CLUH: variants seen among roughly 807,000 people sequenced by gnomAD.
CLUH encodes CLUH binding protein of NUMT mRNA.
A neutral mutation model predicts 139.3 loss-of-function variants in CLUH; 77 were observed. The ratio of observed to expected loss-of-function variants is 0.55; its 90% CI spans 0.46 to 0.67. The LOEUF (loss-of-function observed/expected upper bound fraction) is 0.67. Ranked by LOEUF, CLUH falls within the 30% of genes least tolerant of loss-of-function variation. The pLI, the probability that CLUH is intolerant of heterozygous loss-of-function variation, is 0.00. For missense variants in CLUH, 1,876 were observed against 1,875.8 expected, an observed-to-expected ratio of 1.00 and a Z score of 0.00; for synonymous variants, 999 against 801.6, an observed-to-expected ratio of 1.25 and a Z score of -4.16.
intron 12 of CLUH, 80 bp downstream of exon 12, chr17:2,696,354 C>T: frequency 2.6e-6 from 4 of 1,511,948 alleles, no homozygotes; most frequent in Non-Finnish European, 3.6e-6. Context: ...GGGACAAACC[C>T]ACCAGCCCCA....
rs57694483 is a variant in CLUH, at chr17:2,706,923, C to G, written c.101-2359G>C. ...GGAATGGGAGGACAGAAAGGAGGGACGACAAGGCAAGGTGGCCGCGGCTCC... is the reference window on the plus strand; with the variant it reads ...GGAATGGGAGGACAGAAAGGAGGGAGGACAAGGCAAGGTGGCCGCGGCTCC... On this transcript the variant is annotated intron_variant, in intron 1 of 25. Coordinates refer to ENST00000651024, the MANE Select transcript of CLUH (RefSeq NM_001366661.1). This position sits in a 1 kb window ranked among gnomAD's most constrained non-coding sequence, Gnocchi z 4.6. Among the ~76,000 whole-genome samples the G allele has an allele frequency of 0.57, 86,028 of 152,080 alleles. 24,742 individuals carry two copies. The highest frequency in any genetic ancestry group is 0.63 in the Admixed American group (9,619 of 15,288).
At chr17:2,692,210 G>C (rs961904617) in intron 22 of CLUH, 113 bp from the exon 23 acceptor site, 11 of 1,441,924 alleles carry the variant, frequency 7.6e-6, no homozygotes, top group African/African-American at 1.4e-5. Context: ...CCACCGAGGG[G>C]AACAGCAAGT....
At position 2,708,867 on chromosome 17, in the gene CLUH, G is replaced by T. The variant is rs572428998; in HGVS notation, c.100+2695C>A. Among the ~76,000 whole-genome samples, 13 of 87,028 alleles carry T rather than the reference G, an allele frequency of 1.5e-4. No individual in the cohort carries two copies. The East Asian group carries it at 4.1e-3, about 27-fold the overall frequency. 57.1% of individuals were successfully genotyped at this position (87,028 alleles called of 152,430 possible). ...CAGGCCTCAGCCTCTACTCGGGGGGGGGGGAGCAGAACTATCCCAGTCACA... is the reference window on the plus strand; with the variant it reads ...CAGGCCTCAGCCTCTACTCGGGGGGTGGGGAGCAGAACTATCCCAGTCACA... On this transcript the variant is annotated intron_variant, in intron 1 of 25. Transcript: ENST00000651024.
rs949740088 is a variant in CLUH, at chr17:2,707,690, C to T, written c.101-3126G>A. The stretch of plus-strand genomic sequence containing the variant: ...CCATCCCAGTGGGGGTGAACAGGAC[C>T]GCTTCTGCCAGCTGCCGCCAACAGC... On this transcript the variant is annotated intron_variant, in intron 1 of 25. Transcript: ENST00000651024. The surrounding 1 kb of genome is among the most constrained non-coding windows in gnomAD (Gnocchi z 7.4). 2.0e-5 allele frequency: 20 copies of T among 985,278 alleles called. No individual in the cohort carries two copies. The highest frequency in any genetic ancestry group is 1.2e-4 in the African/African-American group (7 of 57,226). The allele number at this position is 985,278 out of a possible 1,614,324, so 61.0% of individuals were successfully genotyped here.
chr17:2,691,919 AG>A (rs779111286), intron 23 of CLUH, 24 bp from the exon 24 acceptor site: 5 of 1,377,360 alleles, frequency 3.6e-6, no homozygotes, highest in East Asian at 2.8e-5. Context: ...GGAAGGGATC[AG>A]GCCCCCCCGT....
rs1167828816 is a variant in CLUH at position 2,707,135 on chromosome 17, G to C, written c.101-2571C>G. On this transcript the variant is annotated intron_variant, in intron 1 of 25. Coordinates refer to ENST00000651024, the MANE Select transcript of CLUH (RefSeq NM_001366661.1). The surrounding 1 kb of genome is among the most constrained non-coding windows in gnomAD (Gnocchi z 7.4). ...GGATGAAGGCTGAGCGATCTCCCCCGCAGGCAGCTGGCTGGCTCACCAGGT... is the reference window on the plus strand; with the variant it reads ...GGATGAAGGCTGAGCGATCTCCCCCCCAGGCAGCTGGCTGGCTCACCAGGT... The C allele has an allele frequency of 3.1e-6, 3 of 975,280 alleles. No homozygotes were observed. The highest frequency in any genetic ancestry group is 9.5e-5 in the South Asian group (2 of 21,078). 60.4% of individuals were successfully genotyped at this position (975,280 alleles called of 1,614,324 possible).
In CLUH at chr17:2,695,059, G is replaced by C; in HGVS notation, c.2650C>G (p.Leu884Val). The C allele has an allele frequency of 4.3e-6, 7 of 1,613,282 alleles. No homozygotes were observed. The highest frequency in any genetic ancestry group is 5.9e-6 in the Non-Finnish European group (7 of 1,179,654). The change falls in exon 16 of 26, where the codon CTG (leucine) becomes GTG (valine). Residue 884 changes from leucine to valine, a missense_variant. Leu to Val is a conservative substitution (Grantham distance 32). Around this residue, in one of 3 missense-constraint regions of CLUH, gnomAD observed 1,454 missense variants for 1,384.4 expected, o/e 1.05. Coordinates refer to ENST00000651024, the MANE Select transcript of CLUH (RefSeq NM_001366661.1). ...GGGTAGGAGCTCAGGAAGCAGTTCA[G>C]GAAGTGGCTGATGGCGGCTGAGAGG... ...SGLSAAISHFLNCFLSSYPNP... is the reference protein window; with the variant it reads ...SGLSAAISHFVNCFLSSYPNP...
At chr17:2,696,992 A>C in intron 10 of CLUH, 50 bp from the exon 11 acceptor site, 1 of 1,412,530 alleles carries the variant, frequency 7.1e-7, no homozygotes, top group Non-Finnish European at 9.5e-7. Context: ...CGGGGAGAGG[A>C]GCTCTGCTGG....
intron 9 of CLUH, among the ~76,000 whole-genome samples, chr17:2,699,973 T>G (rs2070115441): frequency 6.6e-6 from 1 of 152,184 alleles, no homozygotes; most frequent in African/African-American, 2.4e-5. Context: ...CTCATTTCTC[T>G]TAGTAACCCA....
intron 9 of CLUH, among the ~76,000 whole-genome samples, chr17:2,699,133 G>A (rs1487224074): frequency 6.6e-6 from 1 of 152,138 alleles, no homozygotes; most frequent in African/African-American, 2.4e-5. Context: ...ATTAACAAGC[G>A]TGCGCAGGTT....
rs1233704660 is a variant in CLUH, at chr17:2,689,859, A to C, written c.*735T>G. 6.6e-6 allele frequency: 1 copy of C among 152,388 alleles called. No homozygotes were observed. The highest frequency in any genetic ancestry group is 1.5e-5 in the Non-Finnish European group (1 of 68,062). The allele number at this position is 152,388 out of a possible 1,614,324, so 9.4% of individuals were successfully genotyped here. On this transcript the variant is annotated 3_prime_UTR_variant, in exon 26 of 26. Transcript: ENST00000651024. ...AAACTGAGGGGAGGGATACATTCAG[A>C]CCGCAGGCCCCAAGGCTGCGCCCAG...
At position 2,701,280 on chromosome 17, in the gene CLUH, C is replaced by T. The variant is rs368186989; in HGVS notation, c.900-15G>A. 44 of 1,609,036 alleles carry T rather than the reference C, an allele frequency of 2.7e-5. No homozygotes were observed. Among genetic ancestry groups the T allele is most frequent in the Admixed American group, 1.2e-4 (7 of 59,330 alleles). On this transcript the variant is annotated splice_polypyrimidine_tract_variant and intron_variant, in intron 6 of 25. Coordinates refer to ENST00000651024, the MANE Select transcript of CLUH (RefSeq NM_001366661.1). Reference sequence around the variant, plus strand: ...AAGCTGTGGACCTGCAGGGAGAGGGCGGGCACTGAGCGGGGGCCCAGGTGT... The same window carrying T: ...AAGCTGTGGACCTGCAGGGAGAGGGTGGGCACTGAGCGGGGGCCCAGGTGT...
At chr17:2,694,401 G>A (rs2151698296) in intron 17 of CLUH, 79 bp downstream of exon 17, 4 of 1,526,886 alleles carry the variant, frequency 2.6e-6, no homozygotes, top group East Asian at 2.4e-5. Context: ...TGTGGCCCTG[G>A]CCAGGAGTGG....
rs541997179 is a variant in CLUH, at chr17:2,694,350, C to T, written c.2938-74G>A. The T allele has an allele frequency of 5.3e-4, 805 of 1,526,762 alleles. 1 individual carries two copies. The highest frequency in any genetic ancestry group is 6.0e-4 in the Non-Finnish European group (683 of 1,131,148). 94.6% of individuals were successfully genotyped at this position (1,526,762 alleles called of 1,614,324 possible). Reference sequence around the variant, plus strand: ...GGGTTGGCACCTCCCAACCCACCAACGCTTGCGCACAGACGGCTACCGTGA... The same window carrying T: ...GGGTTGGCACCTCCCAACCCACCAATGCTTGCGCACAGACGGCTACCGTGA... On this transcript the variant is annotated intron_variant, in intron 17 of 25. Coordinates refer to ENST00000651024, the MANE Select transcript of CLUH (RefSeq NM_001366661.1).
At chr17:2,700,049 G>A (rs2070117294) in intron 9 of CLUH, among the ~76,000 whole-genome samples, 1 of 152,230 alleles carries the variant, frequency 6.6e-6, no homozygotes, top group South Asian at 2.1e-4. Flanking sequence ...GCCCTAGAAG[G>A]GCCATGGCCG....
chr17:2,699,890 A>G (rs2070112914), intron 9 of CLUH, among the ~76,000 whole-genome samples: 1 of 152,210 alleles, frequency 6.6e-6, no homozygotes, highest in Admixed American at 6.5e-5. Flanking sequence ...TCGGCCTCCC[A>G]AAGTGCTGGG....
Position 2,691,598 on chromosome 17 carries a change from G to T in CLUH, c.3863+11C>A. The T allele has an allele frequency of 6.2e-7, 1 of 1,610,408 alleles. No individual in the cohort carries two copies. Among genetic ancestry groups the T allele is most frequent in the Non-Finnish European group, 8.5e-7 (1 of 1,178,272 alleles). ...CAACCGGGAGACACTCGAGTGGGGC[G>T]GAGGCCTCACCTGAGAGGAATGAAG... On this transcript the variant is annotated intron_variant, in intron 25 of 25. Coordinates refer to ENST00000651024, the MANE Select transcript of CLUH (RefSeq NM_001366661.1).
At chr17:2,698,687 G>A (rs183857959) in intron 9 of CLUH, 97 bp from the exon 10 acceptor site, 7 of 1,151,788 alleles carry the variant, frequency 6.1e-6, no homozygotes, top group Middle Eastern at 3.0e-4. Flanking sequence ...GAGGCAACCG[G>A]GCCTGCCTTG....
rs1407245212 is a variant in CLUH at position 2,701,528 on chromosome 17, A to G, written c.745-8T>C. 6.2e-7 allele frequency: 1 copy of G among 1,613,452 alleles called. No individual in the cohort carries two copies. Among genetic ancestry groups the G allele is most frequent in the Non-Finnish European group, 8.5e-7 (1 of 1,179,792 alleles). On this transcript the variant is annotated splice_polypyrimidine_tract_variant and splice_region_variant and intron_variant, in intron 5 of 25. Transcript: ENST00000651024. ...TTTCAGGCACTGCAAGGGCTTCGGGAGCGGCCGAGTCTGAGGGGCCAGGCC... is the reference window on the plus strand; with the variant it reads ...TTTCAGGCACTGCAAGGGCTTCGGGGGCGGCCGAGTCTGAGGGGCCAGGCC...
Sources: gnomAD v4.1 joint callset for allele counts (sites outside exome capture counted in the v4.1 genomes callset) on GRCh38, gnomAD v4.1.1 for gene constraint, gnomAD v4.1.1 regional missense constraint, Gnocchi (gnomAD v3.1) non-coding constraint, MANE v1.5 for transcripts, NCBI Gene and HGNC (gene_info 2026-07-23, HGNC 2026-07-21) for gene names.